Variants in SVEP1 observed in about 807,000 individuals in gnomAD.
The protein encoded by SVEP1 is sushi, von Willebrand factor type A, EGF and pentraxin domain containing 1.
In SVEP1, 164 loss-of-function variants were observed where a neutral mutation model predicts 367.3. The observed-to-expected ratio is 0.45, with a 90% CI of 0.39 to 0.51. The LOEUF (loss-of-function observed/expected upper bound fraction) is 0.51, where lower values mean the gene tolerates loss of function less well. SVEP1 is among the 20% of genes least tolerant of loss of function. The probability of loss-of-function intolerance (pLI) is 0.00; values close to 1 mark genes in which losing one functional copy is unlikely to be tolerated. For synonymous variants in SVEP1, 1,666 were observed against 1,611.6 expected, an observed-to-expected ratio of 1.03 and a Z score of -0.81; for missense variants, 4,117 against 4,425.3, an observed-to-expected ratio of 0.93 and a Z score of 1.98.
At chr9:110,464,818 TA>T (rs2118651226) in intron 18 of SVEP1, among the ~76,000 whole-genome samples, 1 of 152,290 alleles carries the variant, frequency 6.6e-6, no homozygotes, top group African/African-American at 2.4e-5. Flanking sequence ...GTAGCAGAGG[TA>T]GGCCAACAAC....
At chr9:110,567,957 G>T (rs1390232165) in intron 1 of SVEP1, among the ~76,000 whole-genome samples, 1 of 152,184 alleles carries the variant, frequency 6.6e-6, no homozygotes, top group Non-Finnish European at 1.5e-5. Flanking sequence ...ACTGACATGA[G>T]GTAGTCTCTA....
chr9:110,397,467 C>G (rs1021254961), intron 40 of SVEP1, among the ~76,000 whole-genome samples: 1 of 152,150 alleles, frequency 6.6e-6, no homozygotes, highest in African/African-American at 2.4e-5. Context: ...CACTCCTATT[C>G]AACATAGTGT....
At chr9:110,398,550 C>G (rs1471043896) in intron 40 of SVEP1, among the ~76,000 whole-genome samples, 1 of 149,860 alleles carries the variant, frequency 6.7e-6, no homozygotes, top group African/African-American at 2.4e-5. Context: ...TTAGAGTGAA[C>G]AGGCAACCTA....
intron 3 of SVEP1, among the ~76,000 whole-genome samples, chr9:110,524,913 T>C (rs1208279593): frequency 4.6e-5 from 7 of 152,152 alleles, no homozygotes; most frequent in Non-Finnish European, 8.8e-5. Flanking sequence ...GGTTTTACCA[T>C]GTTGCTCAGC....
chr9:110,416,221 G>GA (rs368881377), intron 36 of SVEP1, among the ~76,000 whole-genome samples: 1 of 151,116 alleles, frequency 6.6e-6, no homozygotes, highest in Non-Finnish European at 1.5e-5. Context: ...TGAGATAATA[G>GA]AAAAAAAGCT....
At chr9:110,573,620 C>T (rs1330427797) in intron 1 of SVEP1, among the ~76,000 whole-genome samples, 1 of 151,854 alleles carries the variant, frequency 6.6e-6, no homozygotes, top group Non-Finnish European at 1.5e-5. Context: ...GGATATTTAG[C>T]AAAAGCGAAG....
chr9:110,453,315 T>G (rs1173522916), intron 22 of SVEP1, among the ~76,000 whole-genome samples: 4 of 152,082 alleles, frequency 2.6e-5, no homozygotes, highest in Non-Finnish European at 1.5e-5. Flanking sequence ...TAAATCCTAG[T>G]CTATTTTATT....
At chr9:110,561,830 T>C (rs895170507) in intron 1 of SVEP1, among the ~76,000 whole-genome samples, 2 of 152,220 alleles carry the variant, frequency 1.3e-5, no homozygotes, top group East Asian at 3.8e-4. Flanking sequence ...ACTGTTAGTA[T>C]GCTTCATTTA....
intron 1 of SVEP1, among the ~76,000 whole-genome samples, chr9:110,559,938 T>C (rs910587918): frequency 1.3e-5 from 2 of 152,146 alleles, no homozygotes; most frequent in Admixed American, 1.3e-4. Context: ...TCATTACCTA[T>C]ATGTACATGA....
At chr9:110,373,959 G>A (rs1827313952) in intron 46 of SVEP1, among the ~76,000 whole-genome samples, 1 of 152,116 alleles carries the variant, frequency 6.6e-6, no homozygotes, top group African/African-American at 2.4e-5. Context: ...TCTCTTTGAT[G>A]AGTTTTGTAA....
intron 1 of SVEP1, among the ~76,000 whole-genome samples, chr9:110,567,962 T>A (rs1292885062): frequency 6.6e-6 from 1 of 152,132 alleles, no homozygotes; most frequent in African/African-American, 2.4e-5. Context: ...CATGAGGTAG[T>A]CTCTAAATAC....
In SVEP1 at chr9:110,406,623, C is replaced by T. The variant is rs749184677; in HGVS notation, c.8977G>A (p.Gly2993Ser). 1 of 1,613,946 alleles carries T rather than the reference C, an allele frequency of 6.2e-7. No individual in the cohort carries two copies. Among genetic ancestry groups the T allele is most frequent in the Admixed American group, 1.7e-5 (1 of 60,020 alleles). ...GNSSRRCLSN[G>S]SWSGSSPSCL... ...GAAGGTGAGCTGCCACTCCAGGAGC[C>T]ATTGGAGAGGCACCTTCTTGATGAA... The change falls in exon 38 of 48, where the codon GGC (glycine) becomes AGC (serine). Residue 2993 changes from glycine to serine, a missense_variant. By Grantham distance (56) the Gly-to-Ser change is moderately conservative. Around this residue, in one of 4 missense-constraint regions of SVEP1, gnomAD observed 1,765 missense variants for 1,781.1 expected, o/e 0.99. Coordinates refer to ENST00000374469, the MANE Select transcript of SVEP1 (RefSeq NM_153366.4).
At chr9:110,386,521 A>T (rs1224921744) in intron 42 of SVEP1, among the ~76,000 whole-genome samples, 1 of 152,230 alleles carries the variant, frequency 6.6e-6, no homozygotes, top group Admixed American at 6.5e-5. Flanking sequence ...TGGAACCAGG[A>T]AACCATCAGA....
chr9:110,501,142 T>G (rs879527509), intron 6 of SVEP1, among the ~76,000 whole-genome samples: 3 of 147,998 alleles, frequency 2.0e-5, no homozygotes, highest in Admixed American at 6.8e-5. Context: ...ATATAAATTA[T>G]GTAGTAATAT....
Position 110,476,210 on chromosome 9 carries a change from C to T in SVEP1, c.2593G>A (p.Ala865Thr), listed in dbSNP as rs1829094488. 6.2e-7 allele frequency: 1 copy of T among 1,607,114 alleles called. No individual in the cohort carries two copies. Among genetic ancestry groups the T allele is most frequent in the Admixed American group, 1.7e-5 (1 of 59,682 alleles). ...EYNYDYENGFAIGPGGWGAAN... is the reference protein window; with the variant it reads ...EYNYDYENGFTIGPGGWGAAN... ...TGCCACAGAATTTAATTACCAATTG[C>T]AAAGCCATTTTCATAGTCATAATTA... is the stretch of plus-strand genomic sequence containing the variant. The change falls in exon 14 of 48, where the codon GCA becomes ACA. Residue 865 changes from alanine to threonine, a missense_variant. Transcript: ENST00000374469.
chr9:110,576,245 ACACACT>A (rs1303397592), intron 1 of SVEP1, among the ~76,000 whole-genome samples: 1 of 151,980 alleles, frequency 6.6e-6, no homozygotes, highest in African/African-American at 2.4e-5. Flanking sequence ...ACACACACAC[ACACACT>A]CACACACAAA....
rs749533028 is a variant in SVEP1 at position 110,406,922 on chromosome 9, G to T, written c.8678C>A (p.Thr2893Asn). The change falls in exon 38 of 48, where the codon ACC (threonine) becomes AAC (asparagine). Residue 2893 changes from threonine to asparagine, a missense_variant. Thr to Asn is a moderately conservative substitution (Grantham distance 65). Around this residue, in one of 4 missense-constraint regions of SVEP1, gnomAD observed 1,765 missense variants for 1,781.1 expected, o/e 0.99. Transcript: ENST00000374469. The stretch of plus-strand genomic sequence containing the variant: ...CACCCCATTGGCCAGTTGTGGCGGG[G>T]TGGCACATCTGACAGGCACACAGTC... ...TPDCVPVRCA[T>N]PPQLANGVTE... is the part of the protein sequence containing the mutation. 1.2e-6 allele frequency: 2 copies of T among 1,613,934 alleles called. No homozygotes were observed. The highest frequency in any genetic ancestry group is 2.2e-5 in the South Asian group (2 of 91,088).
At chr9:110,434,677 A>AAAAAAAAAAAAAAAAAAAAAAAAAC (rs1828406222) in intron 29 of SVEP1, among the ~76,000 whole-genome samples, 171 bp from the exon 30 acceptor site, 1 of 149,882 alleles carries the variant, frequency 6.7e-6, no homozygotes, top group South Asian at 2.1e-4. Flanking sequence ...AAAAAAAAAA[A>AAAAAAAAAAAAAAAAAAAAAAAAAC]AAAAAAAAAG....
At chr9:110,577,405 A>T (rs1180807452) in intron 1 of SVEP1, among the ~76,000 whole-genome samples, 1 of 152,138 alleles carries the variant, frequency 6.6e-6, no homozygotes, top group African/African-American at 2.4e-5. Flanking sequence ...GCTATTAAGC[A>T]AGTAGTGCTG....
Sources: allele counts gnomAD v4.1 joint callset (sites outside exome capture counted in the v4.1 genomes callset), GRCh38; gene constraint gnomAD v4.1.1; regional missense constraint gnomAD v4.1.1; transcripts MANE v1.5; gene names NCBI Gene and HGNC (gene_info 2026-07-23, HGNC 2026-07-21).